Variants in ZNF112 observed in about 807,000 individuals in gnomAD.
ZNF112 encodes the protein zinc finger protein 112 (Y14).
A neutral mutation model predicts 77.7 loss-of-function variants in ZNF112; 37 were observed. The ratio of observed to expected loss-of-function variants is 0.48; its 90% CI spans 0.37 to 0.63. The LOEUF is 0.63. ZNF112 is among the 20% of genes least tolerant of loss of function. The pLI, the probability that ZNF112 is intolerant of heterozygous loss-of-function variation, is 0.00. For synonymous variants in ZNF112, 333 were observed against 363.6 expected (o/e 0.92, Z 0.96); for missense variants, 950 against 1,077.4 (o/e 0.88, Z 1.66).
At chr19:44,339,484 C>T (rs191909092) in intron 2 of ZNF112, among the ~76,000 whole-genome samples, 1 of 152,300 alleles carries the variant, frequency 6.6e-6, no homozygotes, top group East Asian at 1.9e-4. Context: ...GACACCAAGG[C>T]TCAAATGAGC....
rs770529193 is a variant in ZNF112, at chr19:44,327,841, T to C, written c.2316A>G (p.Lys772=). The part of the protein sequence containing the change: ...RRVHTGGKPY[K]CEVCTKGFSE... The stretch of plus-strand genomic sequence containing the variant: ...TGAAACCCTTTGTACACACCTCACA[T>C]TTGTATGGTTTCCCTCCTGTGTGAA... The change falls in exon 4 of 4, where the codon AAA becomes AAG. Residue 772 remains lysine, a synonymous_variant. Transcript: ENST00000354340. 4.3e-6 allele frequency: 7 copies of C among 1,614,004 alleles called. No homozygotes were observed. In the Admixed American group the frequency reaches 1.2e-4, roughly 27 times the overall value.
chr19:44,330,911 ATGT>A (rs1485961960), intron 3 of ZNF112, among the ~76,000 whole-genome samples: 2 of 152,178 alleles, frequency 1.3e-5, no homozygotes, highest in Non-Finnish European at 2.9e-5. Context: ...AAACATGATA[ATGT>A]TGTTCATTTG....
At chr19:44,360,935 A>T (rs1184502915), upstream of ZNF112, among the ~76,000 whole-genome samples, 3 of 152,230 alleles carry the variant, frequency 2.0e-5, no homozygotes, top group Non-Finnish European at 2.9e-5. Flanking sequence ...TCACAATGAC[A>T]TGCTGAGAAT....
intron 1 of ZNF112, among the ~76,000 whole-genome samples, chr19:44,346,529 A>T (rs766616157): frequency 6.6e-6 from 1 of 152,206 alleles, no homozygotes; most frequent in Admixed American, 6.5e-5. Flanking sequence ...CCCTTTCAAC[A>T]TTCTGAAAAA....
intron 1 of ZNF112, among the ~76,000 whole-genome samples, chr19:44,347,663 A>G (rs1196643739): frequency 2.6e-5 from 4 of 151,820 alleles, no homozygotes; most frequent in Non-Finnish European, 5.9e-5. Flanking sequence ...TGCCTTACCA[A>G]CAAATAGTTT....
chr19:44,356,321 T>C (rs553128580), intron 1 of ZNF112, among the ~76,000 whole-genome samples: 9 of 151,722 alleles, frequency 5.9e-5, no homozygotes, highest in African/African-American at 2.2e-4. Flanking sequence ...ATTAAGATAC[T>C]CGCCTGTTAT....
At chr19:44,357,315 C>T (rs1184619601), upstream of ZNF112, among the ~76,000 whole-genome samples, 1 of 148,806 alleles carries the variant, frequency 6.7e-6, no homozygotes, top group East Asian at 1.9e-4. Flanking sequence ...AACAGAGAAG[C>T]TTGCAATACA....
chr19:44,364,198 C>T (rs1021675649), intron 1 of ZNF112, among the ~76,000 whole-genome samples: 1 of 152,164 alleles, frequency 6.6e-6, no homozygotes, highest in East Asian at 1.9e-4. Flanking sequence ...GTGTGAGCCA[C>T]CATGCCTGGC....
At chr19:44,352,986 A>G (rs1169302389) in intron 1 of ZNF112, among the ~76,000 whole-genome samples, 4 of 152,120 alleles carry the variant, frequency 2.6e-5, no homozygotes. Context: ...GCTGATTCTA[A>G]AATGCATATG....
chr19:44,336,587 TC>T, intron 3 of ZNF112, 35 bp downstream of exon 3: 1 of 1,554,356 alleles, frequency 6.4e-7, no homozygotes, highest in South Asian at 1.1e-5. Context: ...TAGAAGGGGC[TC>T]CCTGGCTGCT....
rs115834973 is a variant in ZNF112, at chr19:44,335,856, C to T, written c.220+767G>A. On this transcript the variant is annotated intron_variant, in intron 3 of 3. Transcript: ENST00000354340. ...AGCAGCATCCTTAGCTACACAGTTGCGACGGTGGCTTTTGATGTCAGTCTT... is the reference window on the plus strand; with the variant it reads ...AGCAGCATCCTTAGCTACACAGTTGTGACGGTGGCTTTTGATGTCAGTCTT... Among the ~76,000 whole-genome samples the T allele has an allele frequency of 4.2e-3, 638 of 152,256 alleles. 3 individuals carry two copies. Among genetic ancestry groups the T allele is most frequent in the African/African-American group, 0.014 (585 of 41,554 alleles).
At chr19:44,362,386 A>G (rs1970863381) in intron 1 of ZNF112, among the ~76,000 whole-genome samples, 1 of 152,192 alleles carries the variant, frequency 6.6e-6, no homozygotes, top group South Asian at 2.1e-4. Context: ...TTTCAAAGGA[A>G]TGAAAAAATA....
intron 1 of ZNF112, among the ~76,000 whole-genome samples, chr19:44,352,591 T>G (rs955485111): frequency 6.6e-6 from 1 of 152,024 alleles, no homozygotes; most frequent in African/African-American, 2.4e-5. Context: ...TGTGTCTCTG[T>G]GGAAAATCCC....
At chr19:44,342,279 AT>A (rs759294652) in intron 1 of ZNF112, among the ~76,000 whole-genome samples, 11 of 152,200 alleles carry the variant, frequency 7.2e-5, no homozygotes, top group African/African-American at 1.9e-4. Context: ...AAAAACATCT[AT>A]TTTTCCCCCA....
intron 1 of ZNF112, among the ~76,000 whole-genome samples, chr19:44,343,676 G>C (rs1012865542): frequency 1.3e-5 from 2 of 152,176 alleles, no homozygotes; most frequent in Admixed American, 1.3e-4. Flanking sequence ...AGTAACCATG[G>C]TTAAATTCAT....
At position 44,329,687 on chromosome 19, in the gene ZNF112, C is replaced by G. The variant is rs16978965; in HGVS notation, c.470G>C (p.Gly157Ala). 3.1e-6 allele frequency: 5 copies of G among 1,613,906 alleles called. No homozygotes were observed. Among genetic ancestry groups the G allele is most frequent in the Non-Finnish European group, 4.2e-6 (5 of 1,180,004 alleles). The change falls in exon 4 of 4, where the codon GGG becomes GCG. Residue 157 changes from glycine to alanine, a missense_variant. Physicochemically the swap from Gly to Ala is moderately conservative, Grantham distance 60. Coordinates refer to ENST00000354340, the MANE Select transcript of ZNF112 (RefSeq NM_013380.4). ...ACTTTTTATATAATTGGAGCCATTC[C>G]CTATATGAGTGAATATATAGTTCTT... ...EDKNYIFTHI[G>A]NGSNYIKSQG...
intron 1 of ZNF112, chr19:44,343,382 G>T: frequency 8.4e-7 from 1 of 1,191,364 alleles, no homozygotes; most frequent in Non-Finnish European, 1.2e-6. Flanking sequence ...AGAAAAAGGT[G>T]TCCCTTCCCC....
intron 1 of ZNF112, among the ~76,000 whole-genome samples, chr19:44,363,146 T>C (rs1970870472): frequency 6.6e-6 from 1 of 152,012 alleles, no homozygotes; most frequent in African/African-American, 2.4e-5. Flanking sequence ...ATTTTTTTTT[T>C]TTTTTGCAAA....
intron 1 of ZNF112, among the ~76,000 whole-genome samples, chr19:44,345,584 A>G (rs902308704): frequency 6.6e-6 from 1 of 152,106 alleles, no homozygotes; most frequent in African/African-American, 2.4e-5. Context: ...GAAATCACAC[A>G]GTGGTCATCC....
Sources: allele counts gnomAD v4.1 joint callset (sites outside exome capture counted in the v4.1 genomes callset), GRCh38; gene constraint gnomAD v4.1.1; transcripts MANE v1.5; gene names NCBI Gene and HGNC (gene_info 2026-07-23, HGNC 2026-07-21).